Variants in MALRD1 observed in about 807,000 individuals in gnomAD.
The protein encoded by MALRD1 is MAM and LDL receptor class A domain containing 1, also known as MAM and LDL-receptor class A domain-containing protein 1.
MALRD1 carries 247 observed loss-of-function variants against 242.1 expected under a neutral mutation model. That is an observed-to-expected ratio of 1.02 (90% CI 0.92 to 1.13). The LOEUF is 1.13. MALRD1 is among the 50% of genes most tolerant of loss of function. The pLI is 0.00. For missense variants in MALRD1, 2,989 were observed against 2,533.1 expected (o/e 1.18, Z -3.86); for synonymous variants, 995 against 866.6 (o/e 1.15, Z -2.60).
At chr10:19,554,831 A>G (rs1338213452) in intron 32 of MALRD1, among the ~76,000 whole-genome samples, 1 of 151,996 alleles carries the variant, frequency 6.6e-6, no homozygotes, top group East Asian at 1.9e-4. Context: ...GGTTGATTCC[A>G]TTTCTTTGCT....
chr10:19,103,248 C>G (rs1836333066), intron 4 of MALRD1, among the ~76,000 whole-genome samples: 1 of 151,990 alleles, frequency 6.6e-6, no homozygotes, highest in South Asian at 2.1e-4. Context: ...AGGATGACAT[C>G]TAAGGCAAGA....
At chr10:19,601,951 CA>C (rs1179917043) in intron 34 of MALRD1, among the ~76,000 whole-genome samples, 1 of 151,698 alleles carries the variant, frequency 6.6e-6, no homozygotes, top group Non-Finnish European at 1.5e-5. Flanking sequence ...TGTATGCACA[CA>C]AAAATTTGTG....
At chr10:19,162,323 A>G (rs1834467525) in intron 12 of MALRD1, among the ~76,000 whole-genome samples, 1 of 151,894 alleles carries the variant, frequency 6.6e-6, no homozygotes. Context: ...TTCTCTCTAT[A>G]TATTTCTGAA....
chr10:19,159,357 TG>T (rs1834298557), intron 12 of MALRD1, among the ~76,000 whole-genome samples: 2 of 152,166 alleles, frequency 1.3e-5, no homozygotes, highest in Admixed American at 1.3e-4. Flanking sequence ...TTATTTATTT[TG>T]TTTTTTTGGC....
At chr10:19,624,864 C>T (rs185537092) in intron 36 of MALRD1, among the ~76,000 whole-genome samples, 25 of 113,192 alleles carry the variant, frequency 2.2e-4, no homozygotes, top group African/African-American at 8.8e-4. Flanking sequence ...CAGAGGGAGA[C>T]TATCTCAAAA....
At chr10:19,447,599 G>C (rs2131023419) in intron 28 of MALRD1, among the ~76,000 whole-genome samples, 1 of 152,122 alleles carries the variant, frequency 6.6e-6, no homozygotes, top group South Asian at 2.1e-4. Flanking sequence ...AATTCTTTGG[G>C]GATTTGCCAT....
At chr10:19,324,199 A>G (rs562780244) in intron 22 of MALRD1, 94 bp downstream of exon 22, 1 of 1,220,288 alleles carries the variant, frequency 8.2e-7, no homozygotes. Flanking sequence ...TTAATAAGTG[A>G]AAATGGACAA....
In MALRD1 at chr10:19,059,782, T is replaced by G. The variant is rs1294173449; in HGVS notation, c.200-6937T>G. Among the ~76,000 whole-genome samples the G allele has an allele frequency of 2.0e-5, 3 of 152,352 alleles. No homozygotes were observed. The East Asian group carries it at 5.8e-4, about 29-fold the overall frequency. ...TTCCTATTAGCAATTGTGCTTATTTTAGAAATGAAAGCAAGATAATATTAG... is the reference window on the plus strand; with the variant it reads ...TTCCTATTAGCAATTGTGCTTATTTGAGAAATGAAAGCAAGATAATATTAG... On this transcript the variant is annotated intron_variant, in intron 1 of 39. Coordinates refer to ENST00000454679, the MANE Select transcript of MALRD1 (RefSeq NM_001142308.3).
rs548211010 is a variant in MALRD1, at chr10:19,107,294, T to C, written c.694+3219T>C. On this transcript the variant is annotated intron_variant, in intron 5 of 39. Coordinates refer to ENST00000454679, the MANE Select transcript of MALRD1 (RefSeq NM_001142308.3). ...TATACATCTAATAATGTTTGCTTTA[T>C]ATATTGGGAGGTCTAGTTTTGGGTG... Among the ~76,000 whole-genome samples the C allele has an allele frequency of 6.1e-4, 93 of 152,140 alleles. 2 individuals are homozygous for C. In the South Asian group the frequency reaches 0.019, roughly 31 times the overall value.
intron 28 of MALRD1, among the ~76,000 whole-genome samples, chr10:19,400,214 C>T (rs891754981): frequency 4.6e-5 from 7 of 152,160 alleles, no homozygotes; most frequent in African/African-American, 1.7e-4. Flanking sequence ...GTAAGAGCTT[C>T]TCATTAGAAA....
chr10:19,442,241 G>A (rs1235234054), intron 28 of MALRD1, among the ~76,000 whole-genome samples: 8 of 152,270 alleles, frequency 5.3e-5, no homozygotes, highest in East Asian at 1.9e-4. Context: ...GGGCTGAGAC[G>A]ATGGGGTTTT....
chr10:19,646,664 A>G (rs1386513718), intron 36 of MALRD1, among the ~76,000 whole-genome samples: 1 of 152,170 alleles, frequency 6.6e-6, no homozygotes, highest in Non-Finnish European at 1.5e-5. Flanking sequence ...GTTAGGCTCT[A>G]TTAGTTTATC....
At chr10:19,113,851 A>G (rs1229125249) in intron 5 of MALRD1, among the ~76,000 whole-genome samples, 1 of 151,620 alleles carries the variant, frequency 6.6e-6, no homozygotes, top group Non-Finnish European at 1.5e-5. Flanking sequence ...ACACAGACAC[A>G]TGTGTATTGA....
chr10:19,238,758 TG>T (rs1349115723), intron 18 of MALRD1, among the ~76,000 whole-genome samples: 22 of 150,198 alleles, frequency 1.5e-4, no homozygotes, highest in African/African-American at 5.4e-4. Context: ...ATCGAATGAT[TG>T]TTTTTTTTGT....
At chr10:19,636,788 A>G in intron 36 of MALRD1, among the ~76,000 whole-genome samples, 1 of 151,550 alleles carries the variant, frequency 6.6e-6, no homozygotes, top group Non-Finnish European at 1.5e-5. Context: ...AATCCCAGCT[A>G]CTCAGGAGGC....
chr10:19,220,737 G>C (rs1474445996), intron 18 of MALRD1, among the ~76,000 whole-genome samples: 1 of 152,086 alleles, frequency 6.6e-6, no homozygotes. Flanking sequence ...TCTTACACCT[G>C]TTTTCCTCCT....
chr10:19,146,403 T>C, intron 11 of MALRD1, 59 bp downstream of exon 11: 2 of 1,175,660 alleles, frequency 1.7e-6, no homozygotes, highest in Non-Finnish European at 2.1e-6. Flanking sequence ...TGTGGAATGA[T>C]GATACTGTGT....
chr10:19,408,815 T>A (rs1833148495), intron 28 of MALRD1, among the ~76,000 whole-genome samples: 1 of 152,178 alleles, frequency 6.6e-6, no homozygotes. Flanking sequence ...ACTGAATCAT[T>A]ATACATTGCT....
At chr10:19,237,596 AT>A (rs1838391224) in intron 18 of MALRD1, among the ~76,000 whole-genome samples, 1 of 7,658 alleles carries the variant, frequency 1.3e-4, no homozygotes, top group African/African-American at 1.1e-3. Flanking sequence ...ATATAATTAT[AT>A]AATTATAATT....
Sources: gnomAD v4.1 joint callset for allele counts (sites outside exome capture counted in the v4.1 genomes callset) on GRCh38, gnomAD v4.1.1 for gene constraint, MANE v1.5 for transcripts, NCBI Gene and HGNC (gene_info 2026-07-23, HGNC 2026-07-21) for gene names.